The following FAF2 variants were observed in gnomAD, a reference collection of about 807,000 sequenced individuals.
FAF2 encodes FAS-associated factor 2.
FAF2 carries 9 observed loss-of-function variants against 62.3 expected under a neutral mutation model. The observed-to-expected ratio is 0.14, with a 90% CI of 0.09 to 0.25. The LOEUF (loss-of-function observed/expected upper bound fraction) is 0.25, where lower values mean the gene tolerates loss of function less well. Among genes scored for constraint, FAF2 ranks in the 10% least tolerant of loss-of-function variants. FAF2 has a pLI of 1.00. For synonymous variants in FAF2, 202 were observed against 198.0 expected, an observed-to-expected ratio of 1.02 and a Z score of -0.17; for missense variants, 368 against 556.2, an observed-to-expected ratio of 0.66 and a Z score of 3.40.
intron 1 of FAF2, among the ~76,000 whole-genome samples, chr5:176,451,883 T>TACAC (rs1758189089): frequency 7.3e-5 from 2 of 27,294 alleles, no homozygotes; most frequent in African/African-American, 3.1e-4. Context: ...CACATATATA[T>TACAC]ATATATATAT....
chr5:176,491,609 A>G (rs1295418210), intron 4 of FAF2, among the ~76,000 whole-genome samples: 1 of 152,198 alleles, frequency 6.6e-6, no homozygotes. Context: ...CAAGTAGGAC[A>G]ACCAGAAAAT....
At chr5:176,483,316 A>T (rs1758815332) in intron 2 of FAF2, among the ~76,000 whole-genome samples, 1 of 152,148 alleles carries the variant, frequency 6.6e-6, no homozygotes, top group African/African-American at 2.4e-5. Context: ...TTGTTGTCGT[A>T]TCTAAGATAC....
At chr5:176,502,845 C>G (rs1378341955) in intron 10 of FAF2, among the ~76,000 whole-genome samples, 2 of 151,672 alleles carry the variant, frequency 1.3e-5, no homozygotes, top group African/African-American at 2.4e-5. Context: ...GTCAGGAGTT[C>G]CAAACCAGCC....
intron 10 of FAF2, among the ~76,000 whole-genome samples, chr5:176,501,378 C>G (rs1271793522): frequency 1.3e-5 from 2 of 152,176 alleles, no homozygotes; most frequent in African/African-American, 4.8e-5. Flanking sequence ...AAAGAGGATG[C>G]ACTGTAGTCA....
In FAF2 at chr5:176,509,550, CGATT is replaced by C. The variant is rs1755744475; in HGVS notation, c.*2602_*2605del. 6.6e-6 allele frequency: 1 copy of C among 152,538 alleles called. No homozygotes were observed. The highest frequency in any genetic ancestry group is 2.4e-5 in the African/African-American group (1 of 41,418). The allele number at this position is 152,538 out of a possible 1,614,324, so 9.4% of individuals were successfully genotyped here. On this transcript the variant is annotated 3_prime_UTR_variant, in exon 11 of 11. Transcript: ENST00000261942. ...TGGGAAGTGACCAAGCAAAGACACT[CGATT>C]GGAGTCAGTTGAATATTTGTACCCT...
intron 10 of FAF2, among the ~76,000 whole-genome samples, chr5:176,503,747 T>G (rs1755632948): frequency 6.6e-6 from 1 of 152,168 alleles, no homozygotes; most frequent in Admixed American, 6.5e-5. Context: ...TGACTTTGTT[T>G]TAAACAAATG....
Position 176,493,252 on chromosome 5 carries a change from G to A in FAF2, c.484-747G>A, listed in dbSNP as rs1035257266. 2.0e-5 allele frequency among the ~76,000 whole-genome samples: 3 copies of A among 152,140 alleles called. No homozygotes were observed. The East Asian group carries it at 5.8e-4, about 29-fold the overall frequency. On this transcript the variant is annotated intron_variant, in intron 5 of 10. Coordinates refer to ENST00000261942, the MANE Select transcript of FAF2 (RefSeq NM_014613.3). ...TTTTATCATAGTCAGTCTCCTCGCT[G>A]GCTGTTCCCACCACACTCAACAAAA...
chr5:176,470,168 T>C (rs1331798996), intron 1 of FAF2, among the ~76,000 whole-genome samples: 1 of 152,236 alleles, frequency 6.6e-6, no homozygotes, highest in African/African-American at 2.4e-5. Context: ...AACCTTTCCT[T>C]GGAGTGTGGG....
At chr5:176,458,455 G>A (rs140196260) in intron 1 of FAF2, among the ~76,000 whole-genome samples, 1,480 of 109,938 alleles carry the variant, frequency 0.013, 34 homozygotes, top group African/African-American at 0.049. Context: ...TCTCACCCAC[G>A]CTGGAGTGCG....
Position 176,456,493 on chromosome 5 carries a change from A to G in FAF2, c.63+8023A>G, listed in dbSNP as rs974254004. 2.0e-4 allele frequency among the ~76,000 whole-genome samples: 30 copies of G among 152,212 alleles called. 1 individual carries two copies. Among genetic ancestry groups the G allele is most frequent in the African/African-American group, 7.0e-4 (29 of 41,454 alleles). On this transcript the variant is annotated intron_variant, in intron 1 of 10. Coordinates refer to ENST00000261942, the MANE Select transcript of FAF2 (RefSeq NM_014613.3). ...TGTAAGCATATGAAAAGATGCTCAA[A>G]TCTTTAAGGATTTGAGGTCCTTAAG...
intron 1 of FAF2, among the ~76,000 whole-genome samples, chr5:176,467,449 G>GC (rs1229350908): frequency 6.6e-6 from 1 of 152,012 alleles, no homozygotes; most frequent in African/African-American, 2.4e-5. Flanking sequence ...TTGTGCCTCA[G>GC]CCACCCGAGT....
chr5:176,499,145 G>C, intron 9 of FAF2, 60 bp downstream of exon 9: 1 of 1,450,832 alleles, frequency 6.9e-7, no homozygotes, highest in Non-Finnish European at 9.2e-7. Context: ...TTGCCATCTT[G>C]GTCTTAAGTG....
intron 1 of FAF2, among the ~76,000 whole-genome samples, chr5:176,456,347 C>T (rs1016304115): frequency 6.6e-6 from 1 of 152,172 alleles, no homozygotes; most frequent in Non-Finnish European, 1.5e-5. Flanking sequence ...GCTGGGATTA[C>T]AGGCGTGAGC....
At chr5:176,475,994 G>A (rs1254821674) in intron 1 of FAF2, among the ~76,000 whole-genome samples, 2 of 152,096 alleles carry the variant, frequency 1.3e-5, no homozygotes, top group Admixed American at 6.6e-5. Flanking sequence ...GGTGGCTCAC[G>A]TGTATAATCC....
intron 3 of FAF2, among the ~76,000 whole-genome samples, chr5:176,488,513 C>T (rs1306564426): frequency 2.0e-5 from 3 of 152,142 alleles, no homozygotes; most frequent in Non-Finnish European, 1.5e-5. Context: ...CCTCCGCCTC[C>T]TGGGTTTAAG....
intron 1 of FAF2, among the ~76,000 whole-genome samples, chr5:176,462,628 A>C (rs1758398191): frequency 6.6e-6 from 1 of 152,198 alleles, no homozygotes; most frequent in Admixed American, 6.5e-5. Context: ...GTCTCAAAAA[A>C]ATAAAATAAA....
intron 4 of FAF2, among the ~76,000 whole-genome samples, chr5:176,491,877 G>C (rs56151231): frequency 0.02 from 2,982 of 152,228 alleles, 64 homozygotes; most frequent in Non-Finnish European, 0.024. Context: ...TGATCTTTTT[G>C]GATACTGTGT....
rs1293457941 is a variant in FAF2 at position 176,509,900 on chromosome 5, G to T, written c.*2950G>T. ...TCTACAACTGGTTTTTTTAGGACTTGTGAGGAACACAGCAACGGAAATCCA... is the reference window on the plus strand; with the variant it reads ...TCTACAACTGGTTTTTTTAGGACTTTTGAGGAACACAGCAACGGAAATCCA... On this transcript the variant is annotated 3_prime_UTR_variant, in exon 11 of 11. Coordinates refer to ENST00000261942, the MANE Select transcript of FAF2 (RefSeq NM_014613.3). 1 of 152,656 alleles carries T rather than the reference G, an allele frequency of 6.6e-6. No homozygotes were observed. The highest frequency in any genetic ancestry group is 1.5e-5 in the Non-Finnish European group (1 of 68,050). The allele number at this position is 152,656 out of a possible 1,614,324, so 9.5% of individuals were successfully genotyped here.
intron 10 of FAF2, among the ~76,000 whole-genome samples, chr5:176,506,221 T>C (rs1286294858): frequency 6.8e-6 from 1 of 147,414 alleles, no homozygotes; most frequent in Non-Finnish European, 1.5e-5. Context: ...AAAAAAAAAC[T>C]GGATCCCTTT....
Sources: gnomAD v4.1 joint callset for allele counts (sites outside exome capture counted in the v4.1 genomes callset) on GRCh38, gnomAD v4.1.1 for gene constraint, MANE v1.5 for transcripts, NCBI Gene and HGNC (gene_info 2026-07-23, HGNC 2026-07-21) for gene names.